The following IGF1 variants were observed in gnomAD, a reference collection of about 807,000 sequenced individuals.
The protein encoded by IGF1 is insulin like growth factor 1.
A neutral mutation model predicts 13.8 loss-of-function variants in IGF1; 4 were observed. The observed-to-expected ratio is 0.29, with a 90% CI of 0.14 to 0.66. The LOEUF (loss-of-function observed/expected upper bound fraction) is 0.66. IGF1 is among the 30% of genes least tolerant of loss of function. The pLI, the probability that IGF1 is intolerant of heterozygous loss-of-function variation, is 0.78. For missense variants in IGF1, 124 were observed against 188.5 expected, an observed-to-expected ratio of 0.66 and a Z score of 2.00; for synonymous variants, 76 against 72.6, an observed-to-expected ratio of 1.05 and a Z score of -0.23.
chr12:102,478,451 A>G, intron 1 of IGF1: 1 of 1,510,474 alleles, frequency 6.6e-7, no homozygotes, highest in Non-Finnish European at 9.0e-7. Flanking sequence ...AATGCCCTGT[A>G]AAATTTGAGG....
At chr12:102,402,666 C>T (rs1873787600) in intron 3 of IGF1, 100 bp from the exon 4 acceptor site, 5 of 762,526 alleles carry the variant, frequency 6.6e-6, no homozygotes, top group Non-Finnish European at 1.2e-5. Context: ...TACGCCTTAC[C>T]AGTTGAGCTA....
intron 2 of IGF1, among the ~76,000 whole-genome samples, chr12:102,436,923 C>A (rs1338009519): frequency 2.0e-5 from 3 of 152,198 alleles, no homozygotes; most frequent in Non-Finnish European, 4.4e-5. Flanking sequence ...TGCCCAAAGG[C>A]AGGAAATCCA....
At chr12:102,417,988 T>C (rs1373199598) in intron 3 of IGF1, 1 of 1,612,708 alleles carries the variant, frequency 6.2e-7, no homozygotes, top group Admixed American at 1.7e-5. Context: ...TTCTTGTTGG[T>C]AGATGGGGGC....
intron 2 of IGF1, among the ~76,000 whole-genome samples, chr12:102,419,930 C>T (rs762016636): frequency 3.3e-5 from 5 of 152,194 alleles, no homozygotes; most frequent in Non-Finnish European, 7.3e-5. Context: ...TTTGTGGTAA[C>T]TCTCCCCAAG....
intron 2 of IGF1, among the ~76,000 whole-genome samples, chr12:102,462,433 C>T (rs1046576782): frequency 2.0e-5 from 3 of 152,152 alleles, no homozygotes; most frequent in African/African-American, 2.4e-5. Context: ...CAGAACCAGC[C>T]AGAAGTAAGC....
chr12:102,476,410 T>TGAGAGAGAGAGAGAGAGAGA lies in IGF1; in HGVS notation c.64-631_64-612dup, dbSNP rs36047405. Among the ~76,000 whole-genome samples the TGAGAGAGAGAGAGAGAGAGA allele has an allele frequency of 4.4e-3, 618 of 139,058 alleles. 9 individuals are homozygous for TGAGAGAGAGAGAGAGAGAGA. Among genetic ancestry groups the TGAGAGAGAGAGAGAGAGAGA allele is most frequent in the Non-Finnish European group, 7.5e-3 (476 of 63,296 alleles). The allele number at this position is 139,058 out of a possible 152,430, so 91.2% of individuals were successfully genotyped here. ...TTGTTTTTGTTTTGTTTCCTCAATA[T>TGAGAGAGAGAGAGAGAGAGA]GAGAGAGAGAGAGAGAGAGAGAGAG... On this transcript the variant is annotated intron_variant, in intron 1 of 3. Transcript: ENST00000337514.
intron 2 of IGF1, among the ~76,000 whole-genome samples, chr12:102,463,751 A>G (rs538802639): frequency 6.6e-6 from 1 of 152,352 alleles, no homozygotes; most frequent in African/African-American, 2.4e-5. Flanking sequence ...CTACCCTCAT[A>G]TGAGTTTATT....
At chr12:102,435,096 T>C (rs1565980394) in intron 2 of IGF1, among the ~76,000 whole-genome samples, 1 of 152,240 alleles carries the variant, frequency 6.6e-6, no homozygotes, top group Non-Finnish European at 1.5e-5. Flanking sequence ...TTAGATGTTA[T>C]AAGTGATCCA....
upstream of IGF1, among the ~76,000 whole-genome samples, chr12:102,481,113 T>C (rs557366800): frequency 7.9e-5 from 12 of 152,282 alleles, no homozygotes; most frequent in Non-Finnish European, 1.6e-4. Flanking sequence ...CTAGAACCTA[T>C]GGAGGGGCAG....
Position 102,402,291 on chromosome 12 carries a change from C to G in IGF1, c.*216G>C, listed in dbSNP as rs951742304. 2.1e-5 allele frequency: 11 copies of G among 524,122 alleles called. No individual in the cohort carries two copies. In the African/African-American group the frequency reaches 2.1e-4, roughly 10 times the overall value. The allele number at this position is 524,122 out of a possible 1,614,324, so 32.5% of individuals were successfully genotyped here. ...AACATTATTGATAAAAGATCAACAG[C>G]AATCTACCAACTCCAGGACCATTTT... On this transcript the variant is annotated 3_prime_UTR_variant, in exon 4 of 4. Transcript: ENST00000337514.
chr12:102,431,342 T>C (rs1335749668), intron 2 of IGF1, among the ~76,000 whole-genome samples: 3 of 152,224 alleles, frequency 2.0e-5, no homozygotes, highest in Non-Finnish European at 4.4e-5. Context: ...CAAATGAAGT[T>C]GAAAACTATT....
chr12:102,402,638 C>T (rs2136940684), intron 3 of IGF1, 72 bp from the exon 4 acceptor site: 1 of 775,026 alleles, frequency 1.3e-6, no homozygotes, highest in African/African-American at 1.7e-5. Context: ...TAACATTGGG[C>T]CTCAACCTTC....
intron 3 of IGF1, among the ~76,000 whole-genome samples, chr12:102,408,815 A>T (rs984248532): frequency 2.0e-5 from 3 of 152,064 alleles, no homozygotes; most frequent in African/African-American, 7.2e-5. Context: ...TAGACCATAG[A>T]CCCACCAAAA....
chr12:102,429,589 A>G (rs996410711), intron 2 of IGF1, among the ~76,000 whole-genome samples: 4 of 152,218 alleles, frequency 2.6e-5, no homozygotes, highest in Non-Finnish European at 4.4e-5. Flanking sequence ...TCTTTATTTC[A>G]TCTGGGACCA....
At chr12:102,417,216 A>C (rs181700801) in intron 3 of IGF1, among the ~76,000 whole-genome samples, 1 of 58,108 alleles carries the variant, frequency 1.7e-5, no homozygotes, top group Non-Finnish European at 3.4e-5. Flanking sequence ...AGTGCAAAAA[A>C]GATGAAGAGT....
In IGF1 at chr12:102,418,117, G is replaced by GA. The variant is rs1175669141; in HGVS notation, c.402+1391dup. 77 of 1,123,842 alleles carry GA rather than the reference G, an allele frequency of 6.9e-5. 1 individual carries two copies. The Middle Eastern group carries it at 1.8e-3, about 26-fold the overall frequency. 69.6% of individuals were successfully genotyped at this position (1,123,842 alleles called of 1,614,324 possible). ...GATGCAGGAGACAGCACTCATGCTGGAGAGGGGTCTAGACCTCAGTCACAA... is the reference window on the plus strand; with the variant it reads ...GATGCAGGAGACAGCACTCATGCTGGAAGAGGGGTCTAGACCTCAGTCACAA... On this transcript the variant is annotated intron_variant, in intron 3 of 3. Transcript: ENST00000337514.
chr12:102,416,067 T>C (rs1875111698), intron 3 of IGF1, among the ~76,000 whole-genome samples: 1 of 152,180 alleles, frequency 6.6e-6, no homozygotes, highest in African/African-American at 2.4e-5. Flanking sequence ...GGGTTTTCAG[T>C]GAACCACTAG....
At chr12:102,409,358 G>A (rs1874439016) in intron 3 of IGF1, among the ~76,000 whole-genome samples, 2 of 152,300 alleles carry the variant, frequency 1.3e-5, no homozygotes, top group South Asian at 4.1e-4. Flanking sequence ...TAAGTTCCTT[G>A]AGAGCAGGTA....
chr12:102,412,286 T>G (rs1277437187), intron 3 of IGF1, among the ~76,000 whole-genome samples: 3 of 152,156 alleles, frequency 2.0e-5, no homozygotes, highest in Admixed American at 2.0e-4. Flanking sequence ...CAGAGGAATT[T>G]ACCTTCACTG....
Sources: gnomAD v4.1 joint callset for allele counts (sites outside exome capture counted in the v4.1 genomes callset) on GRCh38, gnomAD v4.1.1 for gene constraint, MANE v1.5 for transcripts, NCBI Gene and HGNC (gene_info 2026-07-23, HGNC 2026-07-21) for gene names.